Variants in APBB1IP observed in about 807,000 individuals in gnomAD.
APBB1IP encodes the protein amyloid beta A4 precursor protein-binding family B member 1-interacting protein.
APBB1IP carries 27 observed loss-of-function variants against 64.9 expected under a neutral mutation model. That is an observed-to-expected ratio of 0.42 (90% confidence interval 0.31 to 0.57). The LOEUF (loss-of-function observed/expected upper bound fraction) is 0.57, where lower values mean the gene tolerates loss of function less well. APBB1IP is among the 20% of genes least tolerant of loss of function. APBB1IP has a pLI of 0.20. For synonymous variants in APBB1IP, 392 were observed against 331.0 expected (o/e 1.18, Z -2.00); for missense variants, 812 against 845.5 (o/e 0.96, Z 0.49).
chr10:26,531,290 T>C (rs919157597), intron 8 of APBB1IP, among the ~76,000 whole-genome samples: 1 of 151,810 alleles, frequency 6.6e-6, no homozygotes, highest in African/African-American at 2.4e-5. Context: ...GAGCCAAGAT[T>C]GCACCACAGC....
intron 2 of APBB1IP, among the ~76,000 whole-genome samples, chr10:26,490,109 A>G (rs1395798034): frequency 6.6e-6 from 1 of 152,230 alleles, no homozygotes; most frequent in Non-Finnish European, 1.5e-5. Context: ...TTTCATAGAC[A>G]TATTTAATAA....
At chr10:26,528,225 C>T (rs1836503145) in intron 8 of APBB1IP, among the ~76,000 whole-genome samples, 1 of 152,154 alleles carries the variant, frequency 6.6e-6, no homozygotes, top group South Asian at 2.1e-4. Context: ...GAAGTTACTG[C>T]CCAGTCACCT....
chr10:26,441,235 A>G (rs368882842), intron 2 of APBB1IP, among the ~76,000 whole-genome samples: 1 of 152,222 alleles, frequency 6.6e-6, no homozygotes, highest in East Asian at 1.9e-4. Context: ...TAAATGCCAG[A>G]TTTTAAAGTG....
At chr10:26,550,425 A>G (rs894848698) in intron 11 of APBB1IP, among the ~76,000 whole-genome samples, 9 of 151,962 alleles carry the variant, frequency 5.9e-5, no homozygotes, top group African/African-American at 2.2e-4. Flanking sequence ...TGGGTCATGT[A>G]ATTTTTTCTT....
chr10:26,552,575 G>T (rs1836844952), intron 11 of APBB1IP, among the ~76,000 whole-genome samples: 1 of 151,320 alleles, frequency 6.6e-6, no homozygotes, highest in Non-Finnish European at 1.5e-5. Context: ...CTGTGGCCTG[G>T]GCAACAGAGC....
chr10:26,490,671 A>C (rs2132429183), intron 2 of APBB1IP, among the ~76,000 whole-genome samples: 1 of 152,332 alleles, frequency 6.6e-6, no homozygotes, highest in Non-Finnish European at 1.5e-5. Context: ...TTAGCACTGC[A>C]TTCTGAAATA....
intron 2 of APBB1IP, among the ~76,000 whole-genome samples, chr10:26,468,800 G>A (rs1213716271): frequency 6.6e-6 from 1 of 152,182 alleles, no homozygotes; most frequent in East Asian, 1.9e-4. Flanking sequence ...AGTCCTGGAT[G>A]TGTCTCACAG....
At chr10:26,561,772 T>A (rs191566749) in intron 13 of APBB1IP, among the ~76,000 whole-genome samples, 86 of 152,252 alleles carry the variant, frequency 5.6e-4, no homozygotes, top group African/African-American at 2.0e-3. Flanking sequence ...AAAAACCACA[T>A]CTAATTCCAG....
intron 2 of APBB1IP, among the ~76,000 whole-genome samples, chr10:26,449,896 A>T (rs980458542): frequency 6.6e-6 from 1 of 152,058 alleles, no homozygotes. Context: ...GGTCTCAGCT[A>T]CTTGGGAGGC....
At chr10:26,475,146 A>G (rs1835761068) in intron 2 of APBB1IP, among the ~76,000 whole-genome samples, 1 of 139,176 alleles carries the variant, frequency 7.2e-6, no homozygotes, top group African/African-American at 2.7e-5. Context: ...TTTTTGAGAT[A>G]GAGTCTCACT....
chr10:26,516,862 A>T (rs1356105571), intron 8 of APBB1IP, among the ~76,000 whole-genome samples: 1 of 151,998 alleles, frequency 6.6e-6, no homozygotes, highest in East Asian at 1.9e-4. Flanking sequence ...TTTTCCTTTC[A>T]CTAGAGGGCA....
At chr10:26,475,465 T>A (rs702995) in intron 2 of APBB1IP, among the ~76,000 whole-genome samples, 6,742 of 152,206 alleles carry the variant, frequency 0.044, 491 homozygotes, top group African/African-American at 0.15. Context: ...ATGTCAGATG[T>A]GCTGTGTGTG....
chr10:26,567,378 C>A lies in APBB1IP; in HGVS notation c.1891C>A (p.Pro631Thr). ...GGTGGCCAAGAGGCCTCCTGTGCCCCCCAAGAGGCAAGAGAACCCAGGGCA... is the reference window on the plus strand; with the variant it reads ...GGTGGCCAAGAGGCCTCCTGTGCCCACCAAGAGGCAAGAGAACCCAGGGCA... ...PAVAKRPPVP[P>T]KRQENPGHPG... is the part of the protein sequence containing the mutation. The change falls in exon 15 of 15, where the codon CCC (proline) becomes ACC (threonine). Residue 631 changes from proline (P) to threonine (T), a missense_variant. Physicochemically the swap from Pro to Thr is conservative, Grantham distance 38. Coordinates refer to ENST00000376236, the MANE Select transcript of APBB1IP (RefSeq NM_019043.4). 6.3e-7 allele frequency: 1 copy of A among 1,577,136 alleles called. No individual in the cohort carries two copies. The highest frequency in any genetic ancestry group is 1.7e-4 in the Middle Eastern group (1 of 5,854).
At chr10:26,494,441 A>G (rs1425667943) in intron 3 of APBB1IP, among the ~76,000 whole-genome samples, 4 of 152,246 alleles carry the variant, frequency 2.6e-5, no homozygotes, top group South Asian at 2.1e-4. Flanking sequence ...ATAAGCCAAT[A>G]TTCCTAAATA....
At chr10:26,487,606 G>A (rs1248207390) in intron 2 of APBB1IP, among the ~76,000 whole-genome samples, 1 of 152,092 alleles carries the variant, frequency 6.6e-6, no homozygotes, top group East Asian at 1.9e-4. Flanking sequence ...CAGGGGGAAA[G>A]ATTTTCACCA....
intron 2 of APBB1IP, among the ~76,000 whole-genome samples, chr10:26,468,299 G>A (rs1589195112): frequency 6.6e-6 from 1 of 152,178 alleles, no homozygotes; most frequent in East Asian, 1.9e-4. Context: ...ACATAGTATA[G>A]TGCTAAGTTA....
Position 26,513,584 on chromosome 10 carries a change from A to G in APBB1IP, c.737A>G (p.Asp246Gly). 1 of 1,612,858 alleles carries G rather than the reference A, an allele frequency of 6.2e-7. No individual in the cohort carries two copies. Among genetic ancestry groups the G allele is most frequent in the Non-Finnish European group, 8.5e-7 (1 of 1,179,732 alleles). The change falls in exon 8 of 15, where the codon GAC becomes GGC. Residue 246 changes from aspartate to glycine, a missense_variant. Physicochemically the swap from Asp to Gly is moderately conservative, Grantham distance 94. Around this residue, in one of 3 missense-constraint regions of APBB1IP, gnomAD observed 394 missense variants for 413.1 expected, o/e 0.95. Transcript: ENST00000376236. ...DHENVVEVLS[D>G]WTRDTENKIL... ...GAAAATGTTGTTGAAGTCTTATCAGACTGGACAAGAGACACAGAAAATAAA... is the reference window on the plus strand; with the variant it reads ...GAAAATGTTGTTGAAGTCTTATCAGGCTGGACAAGAGACACAGAAAATAAA...
chr10:26,497,433 C>T (rs1264474112), intron 4 of APBB1IP, among the ~76,000 whole-genome samples: 2 of 151,678 alleles, frequency 1.3e-5, no homozygotes, highest in Non-Finnish European at 2.9e-5. Context: ...TGCCTGTAGT[C>T]CCAGGTACCT....
chr10:26,527,685 C>CTTT lies in APBB1IP; in HGVS notation c.814-5732_814-5730dup, dbSNP rs768509910. Among the ~76,000 whole-genome samples, 130 of 68,604 alleles carry CTTT rather than the reference C, an allele frequency of 1.9e-3. 1 individual carries two copies. Among genetic ancestry groups the CTTT allele is most frequent in the Middle Eastern group, 9.8e-3 (1 of 102 alleles). 45.0% of individuals were successfully genotyped at this position (68,604 alleles called of 152,430 possible). ...GACTTAGATTTAGGTAGGTCCATGT[C>CTTT]TTTTTTTTTTTTTTTTTTTTTTTTG... On this transcript the variant is annotated intron_variant, in intron 8 of 14. Coordinates refer to ENST00000376236, the MANE Select transcript of APBB1IP (RefSeq NM_019043.4).
Sources: allele counts gnomAD v4.1 joint callset (sites outside exome capture counted in the v4.1 genomes callset), GRCh38; gene constraint gnomAD v4.1.1; regional missense constraint gnomAD v4.1.1; transcripts MANE v1.5; gene names NCBI Gene and HGNC (gene_info 2026-07-23, HGNC 2026-07-21).